Variants in NLE1 observed in about 807,000 individuals in gnomAD.
NLE1 encodes notchless protein homolog 1.
NLE1 carries 37 observed loss-of-function variants against 62.8 expected under a neutral mutation model. The ratio of observed to expected loss-of-function variants is 0.59; its 90% CI spans 0.45 to 0.78. The LOEUF (loss-of-function observed/expected upper bound fraction) is 0.78, where lower values mean the gene tolerates loss of function less well. NLE1 is among the 30% of genes least tolerant of loss of function. The pLI, the probability that NLE1 is intolerant of heterozygous loss-of-function variation, is 0.00. For synonymous variants in NLE1, 243 were observed against 253.0 expected, an observed-to-expected ratio of 0.96 and a Z score of 0.37; for missense variants, 555 against 637.9, an observed-to-expected ratio of 0.87 and a Z score of 1.40.
In NLE1 at chr17:35,135,310, G is replaced by A. The variant is rs146893809; in HGVS notation, c.1153C>T (p.Arg385Cys). 3.5e-5 allele frequency: 56 copies of A among 1,614,154 alleles called. No homozygotes were observed. The highest frequency in any genetic ancestry group is 1.9e-4 in the African/African-American group (14 of 75,042). Residue 385 changes from arginine to cysteine, a missense_variant, in exon 10 of 13, where the codon CGC becomes TGC. By Grantham distance (180) the Arg-to-Cys change is radical (BLOSUM62 -3). Transcript: ENST00000442241. ...INQVLFSPDS[R>C]IVASASFDKS... ...TCAAAGGAGGCACTAGCCACGATGCGGGAGTCAGGAGAGAAGAGCACCTGG... is the reference window on the plus strand; with the variant it reads ...TCAAAGGAGGCACTAGCCACGATGCAGGAGTCAGGAGAGAAGAGCACCTGG...
chr17:35,136,893 C>T lies in NLE1; in HGVS notation c.828+108G>A, dbSNP rs376331816. The T allele has an allele frequency of 8.4e-5, 90 of 1,073,754 alleles. No homozygotes were observed. The East Asian group carries it at 2.0e-3, about 23-fold the overall frequency. 66.5% of individuals were successfully genotyped at this position (1,073,754 alleles called of 1,614,324 possible). On this transcript the variant is annotated intron_variant, in intron 7 of 12. Transcript: ENST00000442241. ...CACCTCCCTAGACCAGGGCTCCCAG[C>T]ACACATCTGGGAAACACTGGACTCG...
At chr17:35,135,741 A>G (rs2091904604) in intron 9 of NLE1, among the ~76,000 whole-genome samples, 1 of 152,230 alleles carries the variant, frequency 6.6e-6, no homozygotes, top group Non-Finnish European at 1.5e-5. Context: ...TTATGTATGT[A>G]TGCATGTGTG....
chr17:35,132,416 C>A lies in NLE1; in HGVS notation c.*21G>T. On this transcript the variant is annotated 3_prime_UTR_variant, in exon 13 of 13. Coordinates refer to ENST00000442241, the MANE Select transcript of NLE1 (RefSeq NM_018096.5). ...GCAGAGGCCGAGTCGAGGTGGGGGT[C>A]AGAGAGAACTTCGGGCCGTCTCATC... 1 of 1,445,104 alleles carries A rather than the reference C, an allele frequency of 6.9e-7. No individual in the cohort carries two copies. The highest frequency in any genetic ancestry group is 1.6e-5 in the South Asian group (1 of 64,002). 89.5% of individuals were successfully genotyped at this position (1,445,104 alleles called of 1,614,324 possible). A position where few individuals can be genotyped will look rare whatever the true frequency, so the allele number is the denominator to read the frequency against.
At chr17:35,139,399 C>T (rs776284910) in intron 3 of NLE1, 85 bp from the exon 4 acceptor site, 23 of 1,123,644 alleles carry the variant, frequency 2.0e-5, no homozygotes, top group Non-Finnish European at 3.1e-5. Context: ...GAATATGGAA[C>T]TGGACTCTTT....
chr17:35,129,888 T>G lies in NLE1; in HGVS notation c.*2549A>C. 7.1e-7 allele frequency: 1 copy of G among 1,407,722 alleles called. No individual in the cohort carries two copies. Among genetic ancestry groups the G allele is most frequent in the South Asian group, 1.6e-5 (1 of 63,446 alleles). The allele number at this position is 1,407,722 out of a possible 1,614,324, so 87.2% of individuals were successfully genotyped here. A position where few individuals can be genotyped will look rare whatever the true frequency, so the allele number is the denominator to read the frequency against. On this transcript the variant is annotated 3_prime_UTR_variant, in exon 13 of 13. Transcript: ENST00000442241. ...AAACGAATGTATTTTTCAACATCAC[T>G]ATAATGTTCCCCTTCCAAAGCCATT...
At chr17:35,139,784 C>G (rs1021260954) in intron 3 of NLE1, 65 bp downstream of exon 3, 2 of 1,577,100 alleles carry the variant, frequency 1.3e-6, no homozygotes, top group African/African-American at 2.7e-5. Context: ...CTGGGAGACC[C>G]TCCCCAAACC....
In NLE1 at chr17:35,133,214, C is replaced by T. The variant is rs2091887780; in HGVS notation, c.1402G>A (p.Gly468Ser). The T allele has an allele frequency of 6.2e-7, 1 of 1,614,242 alleles. No homozygotes were observed. ...EVYAVDWSPD[G>S]QRVASGGKDK... ...TTCCCACCACTTGCCACTCTCTGGC[C>T]ATCTGGACTCCAGTCAACAGCATAT... The change falls in exon 12 of 13, where the codon GGC (glycine) becomes AGC (serine). Residue 468 changes from glycine (G) to serine (S), a missense_variant. By Grantham distance (56) the Gly-to-Ser change is moderately conservative. Transcript: ENST00000442241.
intron 10 of NLE1, among the ~76,000 whole-genome samples, chr17:35,133,970 A>G (rs1359588232): frequency 6.6e-6 from 1 of 152,120 alleles, no homozygotes; most frequent in African/African-American, 2.4e-5. Context: ...TACCTATCTT[A>G]AAGGGTTGCT....
In NLE1 at chr17:35,139,949, G is replaced by A. The variant is rs781471475; in HGVS notation, c.280C>T (p.Pro94Ser). Residue 94 changes from proline to serine, a missense_variant, in exon 3 of 13, where the codon CCA (proline) becomes TCA (serine). Transcript: ENST00000442241. ...TEKVLDIIYQ[P>S]QAIFRVRAVT... ...GCCCGGACTCTGAAGATAGCCTGTGGCTGGTAGATGATGTCTAGGACCTTC... is the reference window on the plus strand; with the variant it reads ...GCCCGGACTCTGAAGATAGCCTGTGACTGGTAGATGATGTCTAGGACCTTC... The A allele has an allele frequency of 6.2e-7, 1 of 1,614,210 alleles. No individual in the cohort carries two copies. The highest frequency in any genetic ancestry group is 8.5e-7 in the Non-Finnish European group (1 of 1,180,048).
Position 35,133,489 on chromosome 17 carries a change from A to G in NLE1, c.1224T>C (p.Ala408=). ...LWDGRTGKYL[A]SLRGHVAAVY... ...CGGCAGCCACGTGGCCGCGTAGGGAAGCCAGGTACCTGGTCCAGGAGAAGA... is the reference window on the plus strand; with the variant it reads ...CGGCAGCCACGTGGCCGCGTAGGGAGGCCAGGTACCTGGTCCAGGAGAAGA... The change falls in exon 11 of 13, where the codon GCT becomes GCC. Residue 408 remains alanine, a synonymous_variant. Coordinates refer to ENST00000442241, the MANE Select transcript of NLE1 (RefSeq NM_018096.5). 1 of 1,611,978 alleles carries G rather than the reference A, an allele frequency of 6.2e-7. No individual in the cohort carries two copies. The highest frequency in any genetic ancestry group is 1.7e-5 in the Admixed American group (1 of 59,744).
At chr17:35,132,718 A>G (rs1169975955) in intron 12 of NLE1, among the ~76,000 whole-genome samples, 1 of 152,112 alleles carries the variant, frequency 6.6e-6, no homozygotes, top group Non-Finnish European at 1.5e-5. Flanking sequence ...TGTCTTCCAG[A>G]GTGTTGACCC....
chr17:35,136,960 G>C (rs1291940003), intron 7 of NLE1, 41 bp downstream of exon 7: 1 of 1,531,010 alleles, frequency 6.5e-7, no homozygotes, highest in South Asian at 1.2e-5. Context: ...CTTGTGACTT[G>C]CGATTTTCTG....
At position 35,138,029 on chromosome 17, in the gene NLE1, T is replaced by C. The variant is rs117912323; in HGVS notation, c.461-139A>G. ...GAACAAAAGGAGCGATGAGGCTTTCTGGGGATGGATAGAATGCACCCCAAG... is the reference window on the plus strand; with the variant it reads ...GAACAAAAGGAGCGATGAGGCTTTCCGGGGATGGATAGAATGCACCCCAAG... On this transcript the variant is annotated intron_variant, in intron 4 of 12. Transcript: ENST00000442241. 3.7e-3 allele frequency: 2,361 copies of C among 635,296 alleles called. 6 individuals carry two copies. Among genetic ancestry groups the C allele is most frequent in the Non-Finnish European group, 5.4e-3 (1,959 of 364,962 alleles). 39.4% of individuals were successfully genotyped at this position (635,296 alleles called of 1,614,324 possible).
At position 35,129,902 on chromosome 17, in the gene NLE1, T is replaced by C. The variant is rs116088240; in HGVS notation, c.*2535A>G. ...TTCAACATCACTATAATGTTCCCCT[T>C]CCAAAGCCATTGGTTTTTAGACTCT... is the stretch of plus-strand genomic sequence containing the variant. On this transcript the variant is annotated 3_prime_UTR_variant, in exon 13 of 13. Coordinates refer to ENST00000442241, the MANE Select transcript of NLE1 (RefSeq NM_018096.5). The C allele has an allele frequency of 5.2e-4, 726 of 1,397,606 alleles. 4 individuals carry two copies. The African/African-American group carries it at 9.8e-3, about 19-fold the overall frequency. 86.6% of individuals were successfully genotyped at this position (1,397,606 alleles called of 1,614,324 possible). A position where few individuals can be genotyped will look rare whatever the true frequency, so the allele number is the denominator to read the frequency against.
In NLE1 at chr17:35,129,089, C is replaced by T. The variant is rs182800195; in HGVS notation, c.*3348G>A. On this transcript the variant is annotated 3_prime_UTR_variant, in exon 13 of 13. Transcript: ENST00000442241. ...ATACAGATGAAGCTTCGCTTGCTCG[C>T]CCACCAATCTCCTCCTGCTGTGCTA... 2.8e-3 allele frequency: 678 copies of T among 241,078 alleles called. 6 individuals are homozygous for T. The highest frequency in any genetic ancestry group is 0.013 in the African/African-American group (613 of 45,644). 14.9% of individuals were successfully genotyped at this position (241,078 alleles called of 1,614,324 possible). A position where few individuals can be genotyped will look rare whatever the true frequency, so the allele number is the denominator to read the frequency against.
In NLE1 at chr17:35,131,883, T is replaced by C. The variant is rs2091878143; in HGVS notation, c.*554A>G. 6.6e-6 allele frequency: 1 copy of C among 152,286 alleles called. No individual in the cohort carries two copies. Among genetic ancestry groups the C allele is most frequent in the African/African-American group, 2.4e-5 (1 of 41,460 alleles). The allele number at this position is 152,286 out of a possible 1,614,324, so 9.4% of individuals were successfully genotyped here. A position where few individuals can be genotyped will look rare whatever the true frequency, so the allele number is the denominator to read the frequency against. The stretch of plus-strand genomic sequence containing the variant: ...ACAACAATACAGCCCTAGATTCTCC[T>C]TGGCCACTATCACAACTGGCCTCTC... On this transcript the variant is annotated 3_prime_UTR_variant, in exon 13 of 13. Transcript: ENST00000442241.
intron 2 of NLE1, among the ~76,000 whole-genome samples, chr17:35,141,156 G>A (rs1250550082): frequency 6.6e-6 from 1 of 152,194 alleles, no homozygotes; most frequent in Non-Finnish European, 1.5e-5. Flanking sequence ...TCATCCCAGA[G>A]TTTGGTTTAG....
Position 35,130,576 on chromosome 17 carries a change from G to C in NLE1, c.*1861C>G, listed in dbSNP as rs2091871142. On this transcript the variant is annotated 3_prime_UTR_variant, in exon 13 of 13. Transcript: ENST00000442241. Reference sequence around the variant, plus strand: ...AGTGGTATGGGCACCCCACCCCTGGGCTGGGGCCAAGGCTACATAGGGGCC... The same window carrying C: ...AGTGGTATGGGCACCCCACCCCTGGCCTGGGGCCAAGGCTACATAGGGGCC... The C allele has an allele frequency of 1.1e-6, 1 of 893,808 alleles. No homozygotes were observed. Among genetic ancestry groups the C allele is most frequent in the African/African-American group, 1.7e-5 (1 of 59,468 alleles). 55.4% of individuals were successfully genotyped at this position (893,808 alleles called of 1,614,324 possible).
intron 7 of NLE1, among the ~76,000 whole-genome samples, chr17:35,136,758 A>G (rs1266347948): frequency 6.6e-6 from 1 of 152,136 alleles, no homozygotes; most frequent in Non-Finnish European, 1.5e-5. Flanking sequence ...GATCTGATAA[A>G]GCCCAACAGC....
Sources: gnomAD v4.1 joint callset for allele counts (sites outside exome capture counted in the v4.1 genomes callset) on GRCh38, gnomAD v4.1.1 for gene constraint, MANE v1.5 for transcripts, NCBI Gene and HGNC (gene_info 2026-07-23, HGNC 2026-07-21) for gene names.